PRDM16: variants seen among roughly 807,000 people sequenced by gnomAD.
PRDM16 encodes the protein PR/SET domain 16, also known as histone-lysine N-methyltransferase PRDM16.
PRDM16 carries 23 observed loss-of-function variants against 110.6 expected under a neutral mutation model. That is an observed-to-expected ratio of 0.21 (90% CI 0.15 to 0.29). The LOEUF is 0.29. Ranked by LOEUF, PRDM16 falls within the 10% of genes least tolerant of loss-of-function variation. The pLI is 1.00. For synonymous variants in PRDM16, 799 were observed against 781.8 expected (o/e 1.02, Z -0.37); for missense variants, 1,615 against 1,794.3 (o/e 0.90, Z 1.81).
chr1:3,260,898 G>A (rs1295689962), intron 3 of PRDM16, among the ~76,000 whole-genome samples: 1 of 149,206 alleles, frequency 6.7e-6, no homozygotes, highest in East Asian at 2.0e-4. Flanking sequence ...CCCAGGAAAG[G>A]GCAGACATCA....
Position 3,213,446 on chromosome 1 carries a change from T to C in PRDM16, c.387+26972T>C, listed in dbSNP as rs1316071745. On this transcript the variant is annotated intron_variant, in intron 2 of 16. Coordinates refer to ENST00000270722, the MANE Select transcript of PRDM16 (RefSeq NM_022114.4). This position sits in a 1 kb window ranked among gnomAD's most constrained non-coding sequence, Gnocchi z 5.3. ...TATAAAATTGGGAGGACTGTAATTTTCCACTTAGGCTTGTCACCAATCGGG... is the reference window on the plus strand; with the variant it reads ...TATAAAATTGGGAGGACTGTAATTTCCCACTTAGGCTTGTCACCAATCGGG... Among the ~76,000 whole-genome samples the C allele has an allele frequency of 6.6e-6, 1 of 152,182 alleles. No homozygotes were observed. Among genetic ancestry groups the C allele is most frequent in the Non-Finnish European group, 1.5e-5 (1 of 68,040 alleles).
chr1:3,107,596 C>T (rs1642687372), intron 1 of PRDM16, among the ~76,000 whole-genome samples: 1 of 152,260 alleles, frequency 6.6e-6, no homozygotes. Flanking sequence ...GCCCATTTCT[C>T]TGATGGCGGG....
intron 1 of PRDM16, among the ~76,000 whole-genome samples, chr1:3,131,423 T>G (rs1485118488): frequency 6.6e-6 from 1 of 152,196 alleles, no homozygotes; most frequent in Non-Finnish European, 1.5e-5. Flanking sequence ...TTCTCAAGGT[T>G]CCTATCAAAA....
At chr1:3,415,001 A>G (rs1319347611) in intron 10 of PRDM16, among the ~76,000 whole-genome samples, 3 of 152,204 alleles carry the variant, frequency 2.0e-5, no homozygotes, top group Non-Finnish European at 4.4e-5. Flanking sequence ...GCAGCCCAGG[A>G]CACAGCGTGG....
intron 16 of PRDM16, 25 bp downstream of exon 16, chr1:3,432,165 C>G (rs762095052): frequency 6.2e-7 from 1 of 1,603,434 alleles, no homozygotes. Context: ...GAGCCCCTCC[C>G]CCACCCCACC....
chr1:3,344,744 T>C (rs1253659815), intron 3 of PRDM16, among the ~76,000 whole-genome samples: 3 of 152,206 alleles, frequency 2.0e-5, no homozygotes, highest in Non-Finnish European at 4.4e-5. Flanking sequence ...CTCTACACTT[T>C]ATTAGGTTGG....
intron 6 of PRDM16, among the ~76,000 whole-genome samples, 160 bp downstream of exon 6, chr1:3,403,158 G>A (rs1006575617): frequency 2.3e-4 from 35 of 152,172 alleles, no homozygotes; most frequent in African/African-American, 7.0e-4. Context: ...ACACCCTGGG[G>A]ATATGTGCCC....
chr1:3,169,293 C>A (rs1028151069), intron 1 of PRDM16, among the ~76,000 whole-genome samples: 7 of 152,178 alleles, frequency 4.6e-5, no homozygotes, highest in African/African-American at 1.7e-4. Flanking sequence ...CATCCGGCCC[C>A]CACCACCCTG....
Position 3,404,974 on chromosome 1 carries a change from T to C in PRDM16, c.1032+88T>C, listed in dbSNP as rs1192901560. 6.2e-6 allele frequency: 9 copies of C among 1,448,080 alleles called. No homozygotes were observed. The African/African-American group carries it at 1.3e-4, about 21-fold the overall frequency. The allele number at this position is 1,448,080 out of a possible 1,614,324, so 89.7% of individuals were successfully genotyped here. The stretch of plus-strand genomic sequence containing the variant: ...CCCCCGTGCTCCCTACACCCCCTGG[T>C]CCAAATGTAGATGGAGTGCGGCAGA... On this transcript the variant is annotated intron_variant, in intron 7 of 16. Coordinates refer to ENST00000270722, the MANE Select transcript of PRDM16 (RefSeq NM_022114.4).
chr1:3,402,973 G>C lies in PRDM16; in HGVS notation c.859G>C (p.Glu287Gln). 1.2e-6 allele frequency: 2 copies of C among 1,611,604 alleles called. No individual in the cohort carries two copies. Among genetic ancestry groups the C allele is most frequent in the Non-Finnish European group, 1.7e-6 (2 of 1,179,520 alleles). The stretch of plus-strand genomic sequence containing the variant: ...CCAAGCCCACGAGTGCAAGGACTGC[G>C]AGCGGATGTTCCCCAACAAGTACAG... ...SGQAHECKDC[E>Q]RMFPNKYSLE... is the part of the protein sequence containing the mutation. Residue 287 changes from glutamate (E) to glutamine (Q), a missense_variant, in exon 6 of 17, where the codon GAG becomes CAG. Glu to Gln is a conservative substitution (Grantham distance 29). Coordinates refer to ENST00000270722, the MANE Select transcript of PRDM16 (RefSeq NM_022114.4).
In PRDM16 at chr1:3,299,321, G is replaced by A. The variant is rs113297080; in HGVS notation, c.438+55184G>A. Among the ~76,000 whole-genome samples, 762 of 99,338 alleles carry A rather than the reference G, an allele frequency of 7.7e-3. 26 individuals are homozygous for A. Among genetic ancestry groups the A allele is most frequent in the African/African-American group, 0.021 (684 of 32,716 alleles). 65.2% of individuals were successfully genotyped at this position (99,338 alleles called of 152,430 possible). A position where few individuals can be genotyped will look rare whatever the true frequency, so the allele number is the denominator to read the frequency against. ...GGCCATGATGTTTCAGATCCCAGTC[G>A]TGGTGACTCTGCCCTTGTTGAAGAT... On this transcript the variant is annotated intron_variant, in intron 3 of 16. Coordinates refer to ENST00000270722, the MANE Select transcript of PRDM16 (RefSeq NM_022114.4).
intron 3 of PRDM16, among the ~76,000 whole-genome samples, chr1:3,266,552 C>T (rs1211531613): frequency 6.6e-6 from 1 of 152,218 alleles, no homozygotes; most frequent in Non-Finnish European, 1.5e-5. Flanking sequence ...GGAGAGGGCC[C>T]CAGGGGCAGG....
rs1569915139 is a variant in PRDM16 at position 3,245,083 on chromosome 1, T to G, written c.438+946T>G. ...TCGCAGGGGGCGGGGTGGGGCGGGG[T>G]GCACCATGGGGGTTGCTGGCACAGA... is the stretch of plus-strand genomic sequence containing the variant. On this transcript the variant is annotated intron_variant, in intron 3 of 16. Coordinates refer to ENST00000270722, the MANE Select transcript of PRDM16 (RefSeq NM_022114.4). The surrounding 1 kb of genome is among the most constrained non-coding windows in gnomAD (Gnocchi z 4.7). 6.6e-6 allele frequency among the ~76,000 whole-genome samples: 1 copy of G among 152,014 alleles called. No individual in the cohort carries two copies. The highest frequency in any genetic ancestry group is 6.5e-5 in the Admixed American group (1 of 15,274).
chr1:3,226,075 T>G (rs375696948), intron 2 of PRDM16, among the ~76,000 whole-genome samples: 5 of 152,210 alleles, frequency 3.3e-5, no homozygotes, highest in East Asian at 1.9e-4. Context: ...CCCAGGACCC[T>G]TGGGTGAAAC....
chr1:3,273,975 G>GT (rs1399271933), intron 3 of PRDM16, among the ~76,000 whole-genome samples: 2 of 76,484 alleles, frequency 2.6e-5, no homozygotes, highest in Non-Finnish European at 4.3e-5. Context: ...GTATGGGGAG[G>GT]TAAAAAAAAA....
At chr1:3,351,763 CTCT>C (rs1335505532) in intron 3 of PRDM16, among the ~76,000 whole-genome samples, 1 of 122,346 alleles carries the variant, frequency 8.2e-6, no homozygotes, top group African/African-American at 3.2e-5. Flanking sequence ...CCCTCTGTTT[CTCT>C]TCTTCCCTCC....
chr1:3,261,776 C>T (rs1341013032), intron 3 of PRDM16, among the ~76,000 whole-genome samples: 2 of 152,204 alleles, frequency 1.3e-5, no homozygotes, highest in East Asian at 3.9e-4. Flanking sequence ...CCTGCCCCGC[C>T]CTCCGTCCTG....
chr1:3,381,745 G>C (rs1314700356), intron 3 of PRDM16, among the ~76,000 whole-genome samples: 1 of 148,900 alleles, frequency 6.7e-6, no homozygotes, highest in African/African-American at 2.6e-5. Context: ...TGCCATGGCT[G>C]TGGTCACTCA....
rs986561400 is a variant in PRDM16 at position 3,244,534 on chromosome 1, G to A, written c.438+397G>A. Reference sequence around the variant, plus strand: ...AGAATATGGGGAAGAATTGGCTGCAGATTCAACAAAGCCTTTGCTGCACTC... The same window carrying A: ...AGAATATGGGGAAGAATTGGCTGCAAATTCAACAAAGCCTTTGCTGCACTC... On this transcript the variant is annotated intron_variant, in intron 3 of 16. Coordinates refer to ENST00000270722, the MANE Select transcript of PRDM16 (RefSeq NM_022114.4). The surrounding 1 kb of genome is among the most constrained non-coding windows in gnomAD (Gnocchi z 4.1). Among the ~76,000 whole-genome samples the A allele has an allele frequency of 1.3e-5, 2 of 152,198 alleles. No individual in the cohort carries two copies. The highest frequency in any genetic ancestry group is 4.8e-5 in the African/African-American group (2 of 41,438).
Sources: gnomAD v4.1 joint callset for allele counts (sites outside exome capture counted in the v4.1 genomes callset) on GRCh38, gnomAD v4.1.1 for gene constraint, Gnocchi (gnomAD v3.1) non-coding constraint, MANE v1.5 for transcripts, NCBI Gene and HGNC (gene_info 2026-07-23, HGNC 2026-07-21) for gene names.